EEIG2: variants seen among roughly 807,000 people sequenced by gnomAD.
EEIG2 encodes family with sequence similarity 102 member B.
the EEIG2 span, among the ~76,000 whole-genome samples, chr1:108,599,277 C>T: frequency 6.6e-6 from 1 of 152,176 alleles, no homozygotes; most frequent in South Asian, 2.1e-4. Context: ...AGCAGTTTTC[C>T]TGTCTCTAAG....
chr1:108,633,761 T>A, the EEIG2 span, among the ~76,000 whole-genome samples: 5 of 152,232 alleles, frequency 3.3e-5, no homozygotes, highest in African/African-American at 1.2e-4. Context: ...TTTTTGGATC[T>A]ATGGGTTTAC....
chr1:108,624,460 T>C, the EEIG2 span, among the ~76,000 whole-genome samples: 1 of 152,174 alleles, frequency 6.6e-6, no homozygotes, highest in Non-Finnish European at 1.5e-5. Flanking sequence ...CCCTTTTCTT[T>C]TATGAATTTT....
At chr1:108,589,422 C>T in the EEIG2 span, among the ~76,000 whole-genome samples, 534 of 152,182 alleles carry the variant, frequency 3.5e-3, no homozygotes, top group Non-Finnish European at 6.0e-3. Context: ...CATAGTAATC[C>T]GGCTTCCATC....
At chr1:108,621,109 ATGT>A in the EEIG2 span, among the ~76,000 whole-genome samples, 1 of 152,320 alleles carries the variant, frequency 6.6e-6, no homozygotes, top group East Asian at 1.9e-4. Context: ...CAAATAGGTA[ATGT>A]TGTCGTTTTA....
chr1:108,601,968 G>T, the EEIG2 span, among the ~76,000 whole-genome samples: 1 of 152,154 alleles, frequency 6.6e-6, no homozygotes, highest in Non-Finnish European at 1.5e-5. Context: ...GGATGGAGTT[G>T]GGGGAGGTGT....
At chr1:108,571,095 T>G in the EEIG2 span, among the ~76,000 whole-genome samples, 4 of 152,154 alleles carry the variant, frequency 2.6e-5, no homozygotes, top group African/African-American at 9.7e-5. Flanking sequence ...CCAGAATGAT[T>G]GCAGGTGTTG....
the EEIG2 span, among the ~76,000 whole-genome samples, chr1:108,589,594 T>C: frequency 6.6e-6 from 1 of 152,066 alleles, no homozygotes; most frequent in Non-Finnish European, 1.5e-5. Context: ...CGTAATCTCC[T>C]TTGCTTCTCC....
the EEIG2 span, among the ~76,000 whole-genome samples, chr1:108,616,586 T>C: frequency 1.3e-5 from 2 of 152,224 alleles, no homozygotes; most frequent in African/African-American, 2.4e-5. Context: ...TTAGAAGTTA[T>C]GTTTACCTAT....
chr1:108,560,407 T>G, the EEIG2 span: 27 of 1,533,920 alleles, frequency 1.8e-5, no homozygotes, highest in East Asian at 7.6e-5. Flanking sequence ...TGCGCCCAGC[T>G]TGCAGGCGCC....
chr1:108,602,221 G>A, the EEIG2 span, among the ~76,000 whole-genome samples: 2 of 152,128 alleles, frequency 1.3e-5, no homozygotes, highest in African/African-American at 4.8e-5. Flanking sequence ...AAGCAAAAAA[G>A]CCCCTGTACT....
At chr1:108,635,268 A>G in the EEIG2 span, 3 of 1,353,616 alleles carry the variant, frequency 2.2e-6, no homozygotes, top group Admixed American at 1.8e-5. Context: ...AGGAAAGCCA[A>G]TGCTGGTTTC....
the EEIG2 span, among the ~76,000 whole-genome samples, chr1:108,593,994 G>C: frequency 2.6e-5 from 4 of 151,952 alleles, no homozygotes; most frequent in Non-Finnish European, 5.9e-5. Context: ...TTTTTGTAGA[G>C]ATGAGGTTTC....
At chr1:108,594,337 C>T in the EEIG2 span, among the ~76,000 whole-genome samples, 1 of 152,114 alleles carries the variant, frequency 6.6e-6, no homozygotes, top group Non-Finnish European at 1.5e-5. Context: ...TTGGATTTGA[C>T]AATTAGTTAC....
chr1:108,591,428 A>G, the EEIG2 span, among the ~76,000 whole-genome samples: 13 of 152,238 alleles, frequency 8.5e-5, no homozygotes, highest in East Asian at 5.8e-4. Flanking sequence ...ACAAAACGAT[A>G]AAGATTACTT....
the EEIG2 span, chr1:108,628,380 G>A: frequency 6.2e-7 from 1 of 1,612,864 alleles, no homozygotes; most frequent in Non-Finnish European, 8.5e-7. Context: ...TATCCAAGGT[G>A]ATTTTCTCTG....
the EEIG2 span, chr1:108,560,667 C>G: frequency 7.3e-7 from 1 of 1,378,052 alleles, no homozygotes; most frequent in Admixed American, 2.3e-5. Context: ...TCCCTAGGGA[C>G]CGCTCTAAAA....
chr1:108,632,515 CA>C, the EEIG2 span, among the ~76,000 whole-genome samples: 4 of 152,224 alleles, frequency 2.6e-5, no homozygotes, highest in East Asian at 7.7e-4. Context: ...AGACCAGTAG[CA>C]GGGGGAACTA....
chr1:108,605,220 A>G, the EEIG2 span, among the ~76,000 whole-genome samples: 1 of 152,164 alleles, frequency 6.6e-6, no homozygotes. Flanking sequence ...AACAAGGATC[A>G]TCTGGAGAAA....
the EEIG2 span, among the ~76,000 whole-genome samples, chr1:108,582,334 A>G: frequency 6.6e-6 from 1 of 152,114 alleles, no homozygotes; most frequent in African/African-American, 2.4e-5. Context: ...AGGCCATTGA[A>G]CTATTTATAT....
Sources: gnomAD v4.1 joint callset for allele counts (sites outside exome capture counted in the v4.1 genomes callset) on GRCh38, gnomAD v4.1.1 for gene constraint, MANE v1.5 for transcripts, NCBI Gene and HGNC (gene_info 2026-07-23, HGNC 2026-07-21) for gene names.